The following UBTD2 variants were observed in gnomAD, a reference collection of about 807,000 sequenced individuals.
UBTD2 encodes ubiquitin domain containing 2.
In UBTD2, 9 loss-of-function variants were observed where a neutral mutation model predicts 19.8. The ratio of observed to expected loss-of-function variants is 0.46; its 90% CI spans 0.27 to 0.79. The LOEUF (loss-of-function observed/expected upper bound fraction) is 0.79. Ranked by LOEUF, UBTD2 falls within the 30% of genes least tolerant of loss-of-function variation. The pLI is 0.14. For synonymous variants in UBTD2, 98 were observed against 103.9 expected, an observed-to-expected ratio of 0.94 and a Z score of 0.35; for missense variants, 250 against 300.4, an observed-to-expected ratio of 0.83 and a Z score of 1.24.
intron 2 of UBTD2, among the ~76,000 whole-genome samples, chr5:172,224,775 C>T (rs1002425307): frequency 1.9e-4 from 29 of 152,126 alleles, no homozygotes; most frequent in Admixed American, 6.5e-5. Context: ...TTGTAAATTA[C>T]CTAGTCTCCG....
At chr5:172,255,624 G>A (rs1354739469) in intron 1 of UBTD2, among the ~76,000 whole-genome samples, 2 of 152,090 alleles carry the variant, frequency 1.3e-5, no homozygotes, top group Non-Finnish European at 2.9e-5. Context: ...CTCTCCCTGC[G>A]TTCCGGCTGG....
At chr5:172,236,491 T>C (rs1048362314) in intron 1 of UBTD2, among the ~76,000 whole-genome samples, 1 of 152,198 alleles carries the variant, frequency 6.6e-6, no homozygotes, top group Non-Finnish European at 1.5e-5. Context: ...TAGAGCATAA[T>C]TCTCTAGAAG....
At chr5:172,258,314 T>C (rs2113089834) in intron 1 of UBTD2, among the ~76,000 whole-genome samples, 1 of 152,234 alleles carries the variant, frequency 6.6e-6, no homozygotes, top group East Asian at 1.9e-4. Flanking sequence ...TGTGACTTTA[T>C]TTCTGGGTTA....
At chr5:172,267,869 T>A (rs1755407180) in intron 1 of UBTD2, among the ~76,000 whole-genome samples, 2 of 152,262 alleles carry the variant, frequency 1.3e-5, no homozygotes, top group Admixed American at 1.3e-4. Flanking sequence ...GGAAGTCAAC[T>A]GACTTATTTA....
chr5:172,254,868 G>A (rs1159959899), intron 1 of UBTD2: 4 of 514,424 alleles, frequency 7.8e-6, no homozygotes, highest in Non-Finnish European at 1.5e-5. Flanking sequence ...ACAGGTACTT[G>A]CATGCTACTA....
intron 1 of UBTD2, among the ~76,000 whole-genome samples, chr5:172,267,526 C>T (rs148205637): frequency 2.0e-5 from 3 of 152,270 alleles, no homozygotes; most frequent in Admixed American, 6.5e-5. Context: ...GCTCAGTATA[C>T]GCTCTCATCA....
At chr5:172,270,350 A>ATTT (rs758440849) in intron 1 of UBTD2, among the ~76,000 whole-genome samples, 1,279 of 98,680 alleles carry the variant, frequency 0.013, 48 homozygotes, top group African/African-American at 0.045. Flanking sequence ...GAATTTTAGA[A>ATTT]TTTTTTTTTT....
intron 1 of UBTD2, chr5:172,254,877 T>C (rs1755107260): frequency 8.0e-6 from 4 of 498,982 alleles, no homozygotes; most frequent in Admixed American, 2.9e-5. Flanking sequence ...TGCATGCTAC[T>C]ACTGGAATTT....
intron 2 of UBTD2, among the ~76,000 whole-genome samples, chr5:172,221,293 T>C (rs1437083690): frequency 1.3e-5 from 2 of 152,022 alleles, no homozygotes; most frequent in African/African-American, 4.8e-5. Context: ...GGCTTGAGGC[T>C]AACAGTTCAA....
chr5:172,262,514 A>G (rs1030090688), intron 1 of UBTD2, among the ~76,000 whole-genome samples: 1 of 151,764 alleles, frequency 6.6e-6, no homozygotes, highest in African/African-American at 2.4e-5. Context: ...AATGTACAAT[A>G]AAATCTATCA....
intron 1 of UBTD2, among the ~76,000 whole-genome samples, chr5:172,245,683 G>GCCT (rs974533860): frequency 2.0e-5 from 3 of 150,776 alleles, no homozygotes; most frequent in African/African-American, 7.3e-5. Flanking sequence ...TTGCACTCTA[G>GCCT]CCTGGGTGAC....
intron 2 of UBTD2, among the ~76,000 whole-genome samples, chr5:172,216,473 C>T (rs1182406844): frequency 1.3e-5 from 2 of 150,792 alleles, no homozygotes; most frequent in Non-Finnish European, 3.0e-5. Context: ...AAACTCCTGG[C>T]CAGACATACT....
chr5:172,214,598 T>C (rs1324997190), intron 2 of UBTD2, among the ~76,000 whole-genome samples: 3 of 152,196 alleles, frequency 2.0e-5, no homozygotes, highest in Non-Finnish European at 4.4e-5. Flanking sequence ...AAAAACTCCA[T>C]GAAGAGTTAC....
At chr5:172,261,060 T>C (rs1165568041) in intron 1 of UBTD2, among the ~76,000 whole-genome samples, 2 of 152,190 alleles carry the variant, frequency 1.3e-5, no homozygotes, top group Non-Finnish European at 2.9e-5. Context: ...AATGGGTGAC[T>C]ATCAGAAAAC....
chr5:172,278,520 GA>G (rs35402919), intron 1 of UBTD2, among the ~76,000 whole-genome samples: 42,288 of 132,726 alleles, frequency 0.32, 6,071 homozygotes, highest in South Asian at 0.44. Context: ...TGCCTCAGGG[GA>G]AAAAAAAAAA....
chr5:172,256,530 C>CT (rs11324235), intron 1 of UBTD2, among the ~76,000 whole-genome samples: 116 of 142,434 alleles, frequency 8.1e-4, no homozygotes, highest in Non-Finnish European at 1.3e-3. Context: ...CCATGCCCAG[C>CT]TTTTTTTTTT....
At position 172,210,022 on chromosome 5, in the gene UBTD2, G is replaced by A. The variant is rs1239657511; in HGVS notation, c.*1808C>T. On this transcript the variant is annotated 3_prime_UTR_variant, in exon 3 of 3. Coordinates refer to ENST00000393792, the MANE Select transcript of UBTD2 (RefSeq NM_152277.3). ...CACACAAATGAACAAAAACTTTGATGACAGGAGCAATATACTGATTTACCC... is the reference window on the plus strand; with the variant it reads ...CACACAAATGAACAAAAACTTTGATAACAGGAGCAATATACTGATTTACCC... 6.6e-6 allele frequency: 1 copy of A among 152,140 alleles called. No individual in the cohort carries two copies. The highest frequency in any genetic ancestry group is 1.5e-5 in the Non-Finnish European group (1 of 68,020). The allele number at this position is 152,140 out of a possible 1,614,324, so 9.4% of individuals were successfully genotyped here. A position where few individuals can be genotyped will look rare whatever the true frequency, so the allele number is the denominator to read the frequency against.
chr5:172,278,407 T>C (rs1360208788), intron 1 of UBTD2, among the ~76,000 whole-genome samples: 1 of 151,850 alleles, frequency 6.6e-6, no homozygotes, highest in African/African-American at 2.4e-5. Context: ...TAATCCCAGC[T>C]ACTCGGAGGG....
chr5:172,218,958 C>T (rs981348584), intron 2 of UBTD2, among the ~76,000 whole-genome samples: 7 of 151,908 alleles, frequency 4.6e-5, no homozygotes, highest in Non-Finnish European at 1.0e-4. Context: ...GAGAAGACAT[C>T]ACTACAGATC....
Sources: allele counts gnomAD v4.1 joint callset (sites outside exome capture counted in the v4.1 genomes callset), GRCh38; gene constraint gnomAD v4.1.1; transcripts MANE v1.5; gene names NCBI Gene and HGNC (gene_info 2026-07-23, HGNC 2026-07-21).